The following SOX6 variants were observed in gnomAD, a reference collection of about 807,000 sequenced individuals.
The protein encoded by SOX6 is transcription factor SOX-6.
A neutral mutation model predicts 97.8 loss-of-function variants in SOX6; 11 were observed. The ratio of observed to expected loss-of-function variants is 0.11; its 90% CI spans 0.07 to 0.19. The LOEUF is 0.19. Among genes scored for constraint, SOX6 ranks in the 10% least tolerant of loss-of-function variants. The pLI is 1.00. For synonymous variants in SOX6, 360 were observed against 371.4 expected (o/e 0.97, Z 0.35); for missense variants, 810 against 1,039.5 (o/e 0.78, Z 3.04).
chr11:15,981,862 CT>C (rs1853665923), intron 15 of SOX6, among the ~76,000 whole-genome samples: 1 of 151,982 alleles, frequency 6.6e-6, no homozygotes, highest in South Asian at 2.1e-4. Context: ...GAATTTAAAG[CT>C]TTTCATATGC....
intron 15 of SOX6, among the ~76,000 whole-genome samples, chr11:15,982,548 T>C (rs557681616): frequency 6.6e-6 from 1 of 152,190 alleles, no homozygotes; most frequent in Admixed American, 6.6e-5. Context: ...AGTGGTATAG[T>C]ATTTGCATAT....
At chr11:15,997,773 C>A (rs993281471) in intron 13 of SOX6, among the ~76,000 whole-genome samples, 3 of 152,074 alleles carry the variant, frequency 2.0e-5, no homozygotes, top group African/African-American at 4.8e-5. Context: ...AAGAACAAGG[C>A]GAAGATGTCC....
intron 3 of SOX6, among the ~76,000 whole-genome samples, chr11:16,705,618 T>C (rs1046677553): frequency 6.7e-6 from 1 of 148,738 alleles, no homozygotes; most frequent in African/African-American, 2.4e-5. Context: ...CAGAGCAAAA[T>C]CCCACCTCTA....
chr11:16,459,481 A>G (rs148906028), intron 1 of SOX6, among the ~76,000 whole-genome samples: 64 of 152,210 alleles, frequency 4.2e-4, no homozygotes, highest in African/African-American at 1.3e-3. Flanking sequence ...CTCATGAAGG[A>G]AAATCAATCA....
chr11:16,457,716 C>A (rs1028781122), intron 1 of SOX6, among the ~76,000 whole-genome samples: 1 of 151,928 alleles, frequency 6.6e-6, no homozygotes, highest in Non-Finnish European at 1.5e-5. Context: ...ATTTAGAATT[C>A]TTTTTTGCTT....
intron 3 of SOX6, among the ~76,000 whole-genome samples, chr11:16,668,657 G>A (rs1338340547): frequency 6.6e-6 from 1 of 152,124 alleles, no homozygotes; most frequent in Non-Finnish European, 1.5e-5. Context: ...GTTGCCTACA[G>A]TAAACACACT....
intron 4 of SOX6, among the ~76,000 whole-genome samples, chr11:16,505,812 A>G (rs1485745175): frequency 6.6e-6 from 1 of 152,208 alleles, no homozygotes; most frequent in Non-Finnish European, 1.5e-5. Flanking sequence ...GGCTCCAGAT[A>G]CATCTCAGAC....
chr11:16,421,539 G>T (rs1466127322), intron 1 of SOX6, among the ~76,000 whole-genome samples: 1 of 152,096 alleles, frequency 6.6e-6, no homozygotes, highest in Non-Finnish European at 1.5e-5. Flanking sequence ...TTCAGTTCCT[G>T]TATGTAACCC....
intron 9 of SOX6, among the ~76,000 whole-genome samples, chr11:16,094,566 C>T (rs980156764): frequency 4.0e-5 from 6 of 151,880 alleles, no homozygotes; most frequent in African/African-American, 1.4e-4. Context: ...TTCTTCCAGG[C>T]ATTTAAAAGC....
chr11:16,355,440 T>C (rs896348465), intron 1 of SOX6, among the ~76,000 whole-genome samples: 1 of 152,070 alleles, frequency 6.6e-6, no homozygotes, highest in Non-Finnish European at 1.5e-5. Context: ...TTTACTATAG[T>C]TTTATATAAA....
intron 1 of SOX6, among the ~76,000 whole-genome samples, chr11:16,464,016 T>G (rs1036087986): frequency 6.6e-6 from 1 of 152,176 alleles, no homozygotes. Flanking sequence ...GGGACATCCC[T>G]GATGGTTATA....
intron 13 of SOX6, among the ~76,000 whole-genome samples, chr11:15,992,511 C>T (rs1854086758): frequency 1.3e-5 from 2 of 152,114 alleles, no homozygotes; most frequent in Non-Finnish European, 2.9e-5. Flanking sequence ...TATGACTATG[C>T]AAATTATGCC....
At chr11:15,977,269 T>G (rs1302059701) in intron 15 of SOX6, among the ~76,000 whole-genome samples, 1 of 152,134 alleles carries the variant, frequency 6.6e-6, no homozygotes, top group Admixed American at 6.6e-5. Context: ...TCCCCGCCAC[T>G]GTGATAATCT....
intron 3 of SOX6, among the ~76,000 whole-genome samples, chr11:16,709,718 T>G (rs1477753604): frequency 2.6e-5 from 4 of 152,216 alleles, no homozygotes; most frequent in African/African-American, 4.8e-5. Flanking sequence ...GTCTCAGGTA[T>G]TTCTTTATAG....
chr11:16,491,820 A>G (rs1031646976), intron 4 of SOX6, among the ~76,000 whole-genome samples: 20 of 152,294 alleles, frequency 1.3e-4, no homozygotes, highest in Middle Eastern at 3.4e-3. Context: ...ATCTCATATC[A>G]TACAATGCAA....
chr11:16,292,529 A>G (rs1275615224), intron 3 of SOX6, among the ~76,000 whole-genome samples: 1 of 152,146 alleles, frequency 6.6e-6, no homozygotes, highest in Non-Finnish European at 1.5e-5. Context: ...GCAGTGGTCA[A>G]CTAGACCTTT....
intron 4 of SOX6, among the ~76,000 whole-genome samples, chr11:16,523,849 A>C (rs1308759470): frequency 6.6e-6 from 1 of 152,212 alleles, no homozygotes; most frequent in Admixed American, 6.5e-5. Context: ...AGAATACTAC[A>C]AACACCTCTA....
At chr11:16,139,658 G>C (rs1296831679) in intron 6 of SOX6, among the ~76,000 whole-genome samples, 2 of 151,486 alleles carry the variant, frequency 1.3e-5, no homozygotes, top group East Asian at 3.9e-4. Flanking sequence ...CCCCAGACCA[G>C]ATTCAGAAGC....
intron 3 of SOX6, among the ~76,000 whole-genome samples, chr11:16,277,213 G>C (rs1293432596): frequency 1.3e-5 from 2 of 152,090 alleles, no homozygotes; most frequent in Admixed American, 6.6e-5. Flanking sequence ...TCTTTGGGAG[G>C]TAATTAGGTT....
Sources: gnomAD v4.1 joint callset for allele counts (sites outside exome capture counted in the v4.1 genomes callset) on GRCh38, gnomAD v4.1.1 for gene constraint, MANE v1.5 for transcripts, NCBI Gene and HGNC (gene_info 2026-07-23, HGNC 2026-07-21) for gene names.